The following FMO4 variants were observed in gnomAD, a reference collection of about 807,000 sequenced individuals.
FMO4 encodes flavin containing dimethylaniline monoxygenase 4, also known as dimethylaniline monooxygenase [N-oxide-forming] 4.
FMO4 carries 38 observed loss-of-function variants against 43.3 expected under a neutral mutation model. The ratio of observed to expected loss-of-function variants is 0.88; its 90% CI spans 0.68 to 1.15. The LOEUF is 1.15. Among genes scored for constraint, FMO4 ranks in the 50% most tolerant of loss-of-function variants. FMO4 has a pLI of 0.00. For missense variants in FMO4, 631 were observed against 663.3 expected (o/e 0.95, Z 0.54); for synonymous variants, 224 against 232.2 (o/e 0.96, Z 0.32).
chr1:171,337,550 A>C, intron 9 of FMO4, 125 bp downstream of exon 9: 1 of 686,880 alleles, frequency 1.5e-6, no homozygotes, highest in Non-Finnish European at 2.6e-6. Flanking sequence ...TGCATTAGGA[A>C]TCAGAAGGAT....
chr1:171,325,604 G>A (rs1662622797), intron 5 of FMO4, among the ~76,000 whole-genome samples: 1 of 151,978 alleles, frequency 6.6e-6, no homozygotes, highest in African/African-American at 2.4e-5. Flanking sequence ...ATTATAAATG[G>A]TGGTTGGCTT....
chr1:171,334,543 C>T lies in FMO4; in HGVS notation c.960C>T (p.Asn320=). ...AVFEDGTVEE[N]IDVVIFTTGY... ...TTGAAGATGGGACAGTGGAAGAAAA[C>T]ATTGATGTTGTGATCTTCACTACAG... is the stretch of plus-strand genomic sequence containing the variant. The change falls in exon 8 of 10, where the codon AAC becomes AAT. Residue 320 remains asparagine (N), a synonymous_variant. Coordinates refer to ENST00000367749, the MANE Select transcript of FMO4 (RefSeq NM_002022.3). The T allele has an allele frequency of 2.5e-6, 4 of 1,613,572 alleles. No individual in the cohort carries two copies. Among genetic ancestry groups the T allele is most frequent in the Non-Finnish European group, 3.4e-6 (4 of 1,179,522 alleles).
rs529871676 is a variant in FMO4, at chr1:171,340,464, G to A, written c.1251-949G>A. Reference sequence around the variant, plus strand: ...AAAACCCAGTGCGCCTGTTAGAGTCGTCACTGTCTATTGTCATAGGGATCA... The same window carrying A: ...AAAACCCAGTGCGCCTGTTAGAGTCATCACTGTCTATTGTCATAGGGATCA... On this transcript the variant is annotated intron_variant, in intron 9 of 9. Transcript: ENST00000367749. Among the ~76,000 whole-genome samples the A allele has an allele frequency of 3.9e-5, 6 of 152,224 alleles. No homozygotes were observed. In the East Asian group the frequency reaches 5.8e-4, roughly 15 times the overall value.
intron 4 of FMO4, 64 bp downstream of exon 4, chr1:171,323,256 A>T: frequency 9.3e-7 from 1 of 1,074,144 alleles, no homozygotes; most frequent in East Asian, 2.4e-5. Context: ...AATCTAATGA[A>T]AATTGGATGT....
chr1:171,338,917 T>C (rs1232184237), intron 9 of FMO4, among the ~76,000 whole-genome samples: 2 of 152,224 alleles, frequency 1.3e-5, no homozygotes, highest in Non-Finnish European at 2.9e-5. Context: ...TTAATGTTCA[T>C]TTATTTATTT....
intron 6 of FMO4, among the ~76,000 whole-genome samples, chr1:171,332,114 T>C (rs45505700): frequency 0.082 from 12,465 of 152,198 alleles, 1,234 homozygotes; most frequent in African/African-American, 0.24. Flanking sequence ...ATCTTTTTTT[T>C]ACACCCTCCC....
In FMO4 at chr1:171,334,541, A is replaced by T. The variant is rs1197814521; in HGVS notation, c.958A>T (p.Asn320Tyr). 1.2e-6 allele frequency: 2 copies of T among 1,613,606 alleles called. No individual in the cohort carries two copies. The highest frequency in any genetic ancestry group is 2.7e-5 in the African/African-American group (2 of 74,932). Reference sequence around the variant, plus strand: ...CTTTGAAGATGGGACAGTGGAAGAAAACATTGATGTTGTGATCTTCACTAC... The same window carrying T: ...CTTTGAAGATGGGACAGTGGAAGAATACATTGATGTTGTGATCTTCACTAC... ...AVFEDGTVEE[N>Y]IDVVIFTTGY... Residue 320 changes from asparagine to tyrosine, a missense_variant, in exon 8 of 10, where the codon AAC (asparagine) becomes TAC (tyrosine). By Grantham distance (143) the Asn-to-Tyr change is moderately radical. Transcript: ENST00000367749.
chr1:171,320,551 A>G (rs941895320), intron 3 of FMO4, among the ~76,000 whole-genome samples: 1 of 152,230 alleles, frequency 6.6e-6, no homozygotes, highest in African/African-American at 2.4e-5. Flanking sequence ...GGTCCAGGCC[A>G]CCTGTTAGGT....
chr1:171,319,939 G>A lies in FMO4; in HGVS notation c.114G>A (p.Gly38=). The stretch of plus-strand genomic sequence containing the variant: ...GCTTTGAGAGAAGTGATGACATTGG[G>A]GGATTATGGAAGTTTACTGTACGTG... ...PTCFERSDDI[G]GLWKFTESSK... Residue 38 remains glycine, a synonymous_variant, in exon 3 of 10, where the codon GGG becomes GGA. Coordinates refer to ENST00000367749, the MANE Select transcript of FMO4 (RefSeq NM_002022.3). The A allele has an allele frequency of 1.1e-5, 18 of 1,613,834 alleles. No homozygotes were observed. Among genetic ancestry groups the A allele is most frequent in the Non-Finnish European group, 1.5e-5 (18 of 1,179,798 alleles).
At chr1:171,315,042 A>G (rs1473884841) in intron 1 of FMO4, among the ~76,000 whole-genome samples, 1 of 152,208 alleles carries the variant, frequency 6.6e-6, no homozygotes. Context: ...CTGTAATCCC[A>G]GCACTTTGGA....
intron 2 of FMO4, among the ~76,000 whole-genome samples, 164 bp downstream of exon 2, chr1:171,316,491 T>C (rs1662207828): frequency 6.6e-6 from 1 of 152,214 alleles, no homozygotes; most frequent in South Asian, 2.1e-4. Flanking sequence ...TAATATCAAG[T>C]TTTTTAAAAT....
intron 4 of FMO4, 37 bp from the exon 5 acceptor site, chr1:171,324,101 T>C (rs1166606983): frequency 6.4e-7 from 1 of 1,574,312 alleles, no homozygotes; most frequent in Admixed American, 1.8e-5. Context: ...GGTCCAAGGG[T>C]GTTAGTGAGA....
At chr1:171,319,445 C>T (rs1298378620) in intron 2 of FMO4, among the ~76,000 whole-genome samples, 1 of 152,166 alleles carries the variant, frequency 6.6e-6, no homozygotes, top group African/African-American at 2.4e-5. Flanking sequence ...AACAGGAATG[C>T]CTGTTCTCAT....
At chr1:171,318,897 C>T (rs910665782) in intron 2 of FMO4, among the ~76,000 whole-genome samples, 1 of 152,176 alleles carries the variant, frequency 6.6e-6, no homozygotes, top group African/African-American at 2.4e-5. Flanking sequence ...GTTCAAACCC[C>T]TTATGGGAAG....
chr1:171,320,863 G>A (rs1288933163), intron 3 of FMO4, among the ~76,000 whole-genome samples: 5 of 152,204 alleles, frequency 3.3e-5, no homozygotes, highest in South Asian at 2.1e-4. Context: ...AGCTAGGCAG[G>A]CCCAAGTACT....
At position 171,323,716 on chromosome 1, in the gene FMO4, C is replaced by G. The variant is rs183992522; in HGVS notation, c.322-422C>G. Among the ~76,000 whole-genome samples the G allele has an allele frequency of 3.6e-4, 55 of 152,200 alleles. 1 individual carries two copies. The highest frequency in any genetic ancestry group is 2.3e-3 in the Admixed American group (35 of 15,272). On this transcript the variant is annotated intron_variant, in intron 4 of 9. Transcript: ENST00000367749. Reference sequence around the variant, plus strand: ...TGATTCCTCCTCTAAATGCCAAACTCTCATTCAGGATGAAATTTTGACTTT... The same window carrying G: ...TGATTCCTCCTCTAAATGCCAAACTGTCATTCAGGATGAAATTTTGACTTT...
chr1:171,339,982 G>T (rs1381387029), intron 9 of FMO4, among the ~76,000 whole-genome samples: 3 of 152,152 alleles, frequency 2.0e-5, no homozygotes, highest in Non-Finnish European at 4.4e-5. Context: ...AAGAGGCAGG[G>T]TTCTGTGAAA....
chr1:171,317,322 T>A (rs1662238681), intron 2 of FMO4, among the ~76,000 whole-genome samples: 1 of 152,164 alleles, frequency 6.6e-6, no homozygotes, highest in African/African-American at 2.4e-5. Flanking sequence ...CCTCAAAAAA[T>A]GCTGTATCTT....
At chr1:171,328,828 C>CT (rs1662782057) in intron 5 of FMO4, among the ~76,000 whole-genome samples, 1 of 152,084 alleles carries the variant, frequency 6.6e-6, no homozygotes, top group South Asian at 2.1e-4. Flanking sequence ...ATCTGTGGGG[C>CT]TTGTCCTTCC....
Sources: gnomAD v4.1 joint callset for allele counts (sites outside exome capture counted in the v4.1 genomes callset) on GRCh38, gnomAD v4.1.1 for gene constraint, MANE v1.5 for transcripts, NCBI Gene and HGNC (gene_info 2026-07-23, HGNC 2026-07-21) for gene names.